Variants in ANKDD1B observed in about 807,000 individuals in gnomAD.
ANKDD1B encodes ankyrin repeat and death domain-containing protein 1B.
ANKDD1B carries 57 observed loss-of-function variants against 59.7 expected under a neutral mutation model. The ratio of observed to expected loss-of-function variants is 0.95; its 90% confidence interval spans 0.77 to 1.19. The LOEUF is 1.19. Ranked by LOEUF, ANKDD1B falls within the 50% of genes most tolerant of loss-of-function variation. The probability of loss-of-function intolerance (pLI) is 0.00; values close to 1 mark genes in which losing one functional copy is unlikely to be tolerated. For synonymous variants in ANKDD1B, 216 were observed against 239.5 expected, an observed-to-expected ratio of 0.90 and a Z score of 0.91; for missense variants, 602 against 641.9, an observed-to-expected ratio of 0.94 and a Z score of 0.67.
chr5:75,655,046 C>T (rs974615418), intron 8 of ANKDD1B, among the ~76,000 whole-genome samples: 8 of 152,164 alleles, frequency 5.3e-5, no homozygotes, highest in African/African-American at 1.2e-4. Flanking sequence ...CCTCCCTTTT[C>T]GCCCCGCTCA....
chr5:75,629,522 T>C (rs1253541003), intron 5 of ANKDD1B, among the ~76,000 whole-genome samples: 2 of 152,130 alleles, frequency 1.3e-5, no homozygotes, highest in East Asian at 1.9e-4. Flanking sequence ...TTGCTGAATT[T>C]GATAACATCA....
intron 7 of ANKDD1B, among the ~76,000 whole-genome samples, chr5:75,638,557 CATT>C (rs1395392459): frequency 6.6e-6 from 1 of 151,982 alleles, no homozygotes; most frequent in Admixed American, 6.5e-5. Flanking sequence ...TCAATTAATT[CATT>C]ATAAAGCATA....
In ANKDD1B at chr5:75,620,479, A is replaced by G. The variant is rs148725688; in HGVS notation, c.396+66A>G. 9.3e-4 allele frequency: 794 copies of G among 853,982 alleles called. 3 individuals carry two copies. The highest frequency in any genetic ancestry group is 6.1e-3 in the Admixed American group (225 of 37,070). 52.9% of individuals were successfully genotyped at this position (853,982 alleles called of 1,614,324 possible). A position where few individuals can be genotyped will look rare whatever the true frequency, so the allele number is the denominator to read the frequency against. On this transcript the variant is annotated intron_variant, in intron 3 of 13. Coordinates refer to ENST00000601380, the MANE Select transcript of ANKDD1B (RefSeq NM_001276713.2). ...TGTACAGGGAGAATCTGATCATTCCAGTTAGACATCTTTTCTTCACATACA... is the reference window on the plus strand; with the variant it reads ...TGTACAGGGAGAATCTGATCATTCCGGTTAGACATCTTTTCTTCACATACA...
chr5:75,625,009 T>C (rs1235216310), intron 3 of ANKDD1B, among the ~76,000 whole-genome samples: 4 of 152,240 alleles, frequency 2.6e-5, no homozygotes, highest in African/African-American at 4.8e-5. Flanking sequence ...CCTATGTTGA[T>C]AGGCTTTTAT....
At chr5:75,658,704 A>G (rs1254928951) in intron 9 of ANKDD1B, among the ~76,000 whole-genome samples, 1 of 152,218 alleles carries the variant, frequency 6.6e-6, no homozygotes, top group Admixed American at 6.5e-5. Flanking sequence ...TCAACTAGAT[A>G]GTATCATTTC....
In ANKDD1B at chr5:75,634,802, C is replaced by G. The variant is rs1774254975; in HGVS notation, c.601-96C>G. On this transcript the variant is annotated intron_variant, in intron 5 of 13. Transcript: ENST00000601380. ...CTCCCTGAAGAAGGGCCATCTTGGA[C>G]TCCCCATCATCCTTGAAATGTCGCT... 3 of 747,384 alleles carry G rather than the reference C, an allele frequency of 4.0e-6. No homozygotes were observed. In the Admixed American group the frequency reaches 7.1e-5, roughly 18 times the overall value. The allele number at this position is 747,384 out of a possible 1,614,324, so 46.3% of individuals were successfully genotyped here.
chr5:75,641,922 A>G (rs1370318129), intron 7 of ANKDD1B, among the ~76,000 whole-genome samples: 2 of 152,238 alleles, frequency 1.3e-5, no homozygotes, highest in African/African-American at 4.8e-5. Context: ...GCCAAGAACT[A>G]GATACAACAT....
intron 1 of ANKDD1B, among the ~76,000 whole-genome samples, chr5:75,615,668 C>CTGTGTGTG (rs113185824): frequency 1.1e-3 from 165 of 144,330 alleles, no homozygotes; most frequent in South Asian, 5.2e-3. Context: ...CTGGTCTTCC[C>CTGTGTGTG]TGTGTGTGTG....
intron 5 of ANKDD1B, among the ~76,000 whole-genome samples, chr5:75,632,563 C>A (rs1774194414): frequency 6.6e-6 from 1 of 152,200 alleles, no homozygotes; most frequent in Non-Finnish European, 1.5e-5. Flanking sequence ...GTAGAAGAGG[C>A]AGGAGCCTAT....
At chr5:75,616,114 G>T (rs2112952144) in intron 1 of ANKDD1B, among the ~76,000 whole-genome samples, 1 of 152,118 alleles carries the variant, frequency 6.6e-6, no homozygotes, top group Admixed American at 6.5e-5. Context: ...CCTCAATTCT[G>T]GTCTTACCCC....
rs1483778705 is a variant in ANKDD1B at position 75,630,141 on chromosome 5, C to T, written c.600+4186C>T. On this transcript the variant is annotated intron_variant, in intron 5 of 13. Coordinates refer to ENST00000601380, the MANE Select transcript of ANKDD1B (RefSeq NM_001276713.2). ...TCCTGCCTTCCAAGTAAGGGAGGTC[C>T]TATGAGACTGCCCTGGATAGAGGCC... 2.0e-5 allele frequency among the ~76,000 whole-genome samples: 3 copies of T among 151,996 alleles called. No individual in the cohort carries two copies. In the East Asian group the frequency reaches 5.8e-4, roughly 29 times the overall value.
chr5:75,617,523 A>G (rs1721998185), intron 2 of ANKDD1B, among the ~76,000 whole-genome samples: 2 of 152,268 alleles, frequency 1.3e-5, no homozygotes, highest in South Asian at 4.1e-4. Context: ...ATTTCCTGAT[A>G]GTCCTTTGAG....
chr5:75,655,977 G>A, intron 8 of ANKDD1B, 52 bp from the exon 9 acceptor site: 1 of 817,426 alleles, frequency 1.2e-6, no homozygotes, highest in Admixed American at 2.5e-5. Flanking sequence ...TTTTTGATTT[G>A]AATGTTGAAG....
At position 75,634,689 on chromosome 5, in the gene ANKDD1B, A is replaced by G. The variant is rs572321214; in HGVS notation, c.601-209A>G. On this transcript the variant is annotated intron_variant, in intron 5 of 13. Coordinates refer to ENST00000601380, the MANE Select transcript of ANKDD1B (RefSeq NM_001276713.2). ...CAGTATTTGTGTGCCACCATGAAAC[A>G]GATTTCATGCTGATGTGGAGTCTCC... 3 of 476,492 alleles carry G rather than the reference A, an allele frequency of 6.3e-6. No homozygotes were observed. In the Admixed American group the frequency reaches 9.7e-5, roughly 15 times the overall value. 29.5% of individuals were successfully genotyped at this position (476,492 alleles called of 1,614,324 possible).
chr5:75,621,462 CT>C (rs1032290263), intron 3 of ANKDD1B, among the ~76,000 whole-genome samples: 154 of 146,824 alleles, frequency 1.0e-3, no homozygotes, highest in African/African-American at 2.3e-3. Context: ...TCCATGCATT[CT>C]TTTTTTTTTT....
chr5:75,653,426 G>A (rs1233762771), intron 8 of ANKDD1B, among the ~76,000 whole-genome samples, 186 bp downstream of exon 8: 2 of 152,168 alleles, frequency 1.3e-5, no homozygotes, highest in Non-Finnish European at 2.9e-5. Context: ...TCCGAGGGAT[G>A]AATTTTAGAA....
At chr5:75,636,404 C>T (rs996102845) in intron 7 of ANKDD1B, among the ~76,000 whole-genome samples, 1 of 152,046 alleles carries the variant, frequency 6.6e-6, no homozygotes, top group Non-Finnish European at 1.5e-5. Flanking sequence ...TGGTGTGTTC[C>T]GGGCTGACAA....
intron 10 of ANKDD1B, among the ~76,000 whole-genome samples, chr5:75,660,010 T>G (rs1775085757): frequency 6.6e-6 from 1 of 152,214 alleles, no homozygotes; most frequent in Non-Finnish European, 1.5e-5. Flanking sequence ...GATTGACATT[T>G]AAGTTGTTCC....
intron 2 of ANKDD1B, among the ~76,000 whole-genome samples, chr5:75,619,896 C>T (rs1419451661): frequency 6.6e-6 from 1 of 152,160 alleles, no homozygotes; most frequent in Non-Finnish European, 1.5e-5. Flanking sequence ...GAAGAACGAA[C>T]ACGAGTGGAT....
Sources: gnomAD v4.1 joint callset for allele counts (sites outside exome capture counted in the v4.1 genomes callset) on GRCh38, gnomAD v4.1.1 for gene constraint, MANE v1.5 for transcripts, NCBI Gene and HGNC (gene_info 2026-07-23, HGNC 2026-07-21) for gene names.